The following STK32C variants were observed in gnomAD, a reference collection of about 807,000 sequenced individuals.
STK32C encodes the protein serine/threonine-protein kinase 32C.
In STK32C, 31 loss-of-function variants were observed where a neutral mutation model predicts 56.5. The observed-to-expected ratio is 0.55, with a 90% CI of 0.41 to 0.74. The LOEUF is 0.74. STK32C is among the 30% of genes least tolerant of loss of function. The pLI is 0.00. For missense variants in STK32C, 544 were observed against 676.9 expected (o/e 0.80, Z 2.18); for synonymous variants, 309 against 289.4 (o/e 1.07, Z -0.69).
intron 1 of STK32C, among the ~76,000 whole-genome samples, chr10:132,281,929 A>T (rs2065222721): frequency 6.6e-6 from 1 of 152,144 alleles, no homozygotes; most frequent in Non-Finnish European, 1.5e-5. Flanking sequence ...CTCAGACGGG[A>T]GCCTGTTCAC....
At chr10:132,214,199 CT>C (rs2062399649) in intron 10 of STK32C, among the ~76,000 whole-genome samples, 1 of 150,360 alleles carries the variant, frequency 6.7e-6, no homozygotes, top group African/African-American at 2.4e-5. Context: ...AAAAAAAAAT[CT>C]GTACCTAGGC....
chr10:132,302,875 C>A (rs546185645), intron 1 of STK32C, among the ~76,000 whole-genome samples: 3 of 152,280 alleles, frequency 2.0e-5, no homozygotes, highest in Non-Finnish European at 2.9e-5. Context: ...AAGGAAAGAA[C>A]GAGGCAAAAC....
intron 1 of STK32C, among the ~76,000 whole-genome samples, chr10:132,267,641 G>A (rs1260086505): frequency 3.5e-5 from 5 of 143,176 alleles, no homozygotes; most frequent in African/African-American, 1.1e-4. Context: ...CTGTGTGCAT[G>A]CATGTCCCAC....
intron 1 of STK32C, among the ~76,000 whole-genome samples, chr10:132,276,112 G>C (rs1443639493): frequency 6.6e-6 from 1 of 152,188 alleles, no homozygotes; most frequent in African/African-American, 2.4e-5. Context: ...GGTAATTCTG[G>C]GGCCCAGCTT....
chr10:132,229,458 C>T (rs1199752196), intron 2 of STK32C, among the ~76,000 whole-genome samples: 4 of 152,236 alleles, frequency 2.6e-5, no homozygotes, highest in African/African-American at 7.2e-5. Flanking sequence ...GACTGTACCA[C>T]TGAACTCAGC....
intron 1 of STK32C, among the ~76,000 whole-genome samples, chr10:132,253,564 CGAGGGAGCT>C (rs2063996643): frequency 8.4e-6 from 1 of 118,348 alleles, no homozygotes; most frequent in African/African-American, 4.2e-5. Context: ...TGGAGGGAGT[CGAGGGAGCT>C]GGAGGGAGCT....
At chr10:132,226,675 TG>T in intron 4 of STK32C, 119 bp downstream of exon 4, 2 of 1,202,900 alleles carry the variant, frequency 1.7e-6, no homozygotes, top group Admixed American at 2.0e-5. Flanking sequence ...CAGGCAAGGG[TG>T]GGGCAGAGGA....
At chr10:132,269,781 G>A (rs11146296) in intron 1 of STK32C, among the ~76,000 whole-genome samples, 11,917 of 152,224 alleles carry the variant, frequency 0.078, 776 homozygotes, top group East Asian at 0.33. Flanking sequence ...CTGTGGGAGC[G>A]CTGACTCCAG....
chr10:132,251,020 T>C (rs1238306395), intron 1 of STK32C, among the ~76,000 whole-genome samples: 1 of 152,066 alleles, frequency 6.6e-6, no homozygotes, highest in African/African-American at 2.4e-5. Flanking sequence ...TATGGAGCAT[T>C]AGGGGAGCCA....
At position 132,292,673 on chromosome 10, in the gene STK32C, C is replaced by A. The variant is rs1027122841; in HGVS notation, c.262+14899G>T. Among the ~76,000 whole-genome samples, 8 of 152,366 alleles carry A rather than the reference C, an allele frequency of 5.3e-5. 1 individual carries two copies. The South Asian group carries it at 1.7e-3, about 32-fold the overall frequency. On this transcript the variant is annotated intron_variant, in intron 1 of 11. Coordinates refer to ENST00000298630, the MANE Select transcript of STK32C (RefSeq NM_173575.4). ...CAGATTCCCGGTGCCAGCCCAGGTGCTCTGAGGGGCACCCAACGCAAGACC... is the reference window on the plus strand; with the variant it reads ...CAGATTCCCGGTGCCAGCCCAGGTGATCTGAGGGGCACCCAACGCAAGACC...
intron 1 of STK32C, among the ~76,000 whole-genome samples, chr10:132,257,341 C>T (rs897267763): frequency 7.9e-5 from 12 of 151,788 alleles, no homozygotes; most frequent in Middle Eastern, 3.4e-3. Flanking sequence ...ACCCGTGCCA[C>T]TGTCTCCCAC....
rs1554977878 is a variant in STK32C at position 132,230,691 on chromosome 10, G to GGA, written c.319-2564_319-2563insTC. Reference sequence around the variant, plus strand: ...GGGGGGAAGCTGGCGGGGGGGGGGGGGCTGCAGAGCCCACCTCTGCCTGGA... The same window carrying GGA: ...GGGGGGAAGCTGGCGGGGGGGGGGGGGAGCTGCAGAGCCCACCTCTGCCTGGA... On this transcript the variant is annotated intron_variant, in intron 2 of 11. Coordinates refer to ENST00000298630, the MANE Select transcript of STK32C (RefSeq NM_173575.4). 1.8e-3 allele frequency among the ~76,000 whole-genome samples: 242 copies of GGA among 137,914 alleles called. 7 individuals carry two copies. The highest frequency in any genetic ancestry group is 5.9e-3 in the African/African-American group (214 of 36,062). The allele number at this position is 137,914 out of a possible 152,430, so 90.5% of individuals were successfully genotyped here. A position where few individuals can be genotyped will look rare whatever the true frequency, so the allele number is the denominator to read the frequency against.
chr10:132,327,330 C>G (rs2066520179), intron 1 of STK32C, among the ~76,000 whole-genome samples: 1 of 152,140 alleles, frequency 6.6e-6, no homozygotes, highest in African/African-American at 2.4e-5. Context: ...GAGGCCTCCC[C>G]GGCCATGTGG....
intron 1 of STK32C, among the ~76,000 whole-genome samples, chr10:132,262,312 G>C (rs187220939): frequency 7.5e-4 from 114 of 152,298 alleles, no homozygotes; most frequent in African/African-American, 2.7e-3. Flanking sequence ...AGACTGAAAT[G>C]TAAGACCTCA....
At chr10:132,232,975 A>C (rs2137788278) in intron 2 of STK32C, among the ~76,000 whole-genome samples, 1 of 152,320 alleles carries the variant, frequency 6.6e-6, no homozygotes, top group African/African-American at 2.4e-5. Flanking sequence ...GTTCCCCAGA[A>C]GCAAATGCCT....
intron 1 of STK32C, among the ~76,000 whole-genome samples, chr10:132,276,498 G>C (rs1208638970): frequency 6.6e-6 from 1 of 152,214 alleles, no homozygotes; most frequent in African/African-American, 2.4e-5. Flanking sequence ...GAGCACAAAA[G>C]GGGCGAGGCA....
chr10:132,322,618 G>A (rs759805712), downstream of STK32C, among the ~76,000 whole-genome samples: 2 of 152,130 alleles, frequency 1.3e-5, no homozygotes, highest in Non-Finnish European at 2.9e-5. Flanking sequence ...CAAATTTCAC[G>A]CCAGTGTAAC....
chr10:132,244,382 A>G (rs2063610723), intron 2 of STK32C, among the ~76,000 whole-genome samples: 1 of 152,172 alleles, frequency 6.6e-6, no homozygotes, highest in Admixed American at 6.5e-5. Context: ...GGCAGTCTAC[A>G]GATGGTGGGC....
At chr10:132,330,962 G>C (rs7096166) in intron 1 of STK32C, among the ~76,000 whole-genome samples, 1 of 150,452 alleles carries the variant, frequency 6.6e-6, no homozygotes, top group Non-Finnish European at 1.5e-5. Context: ...CAGCACTTTG[G>C]GAGGCCGAGG....
Sources: allele counts gnomAD v4.1 joint callset (sites outside exome capture counted in the v4.1 genomes callset), GRCh38; gene constraint gnomAD v4.1.1; transcripts MANE v1.5; gene names NCBI Gene and HGNC (gene_info 2026-07-23, HGNC 2026-07-21).